Variants in RAB4A observed in about 807,000 individuals in gnomAD.
RAB4A encodes the protein ras-related protein Rab-4A.
A neutral mutation model predicts 34.5 loss-of-function variants in RAB4A; 20 were observed. The ratio of observed to expected loss-of-function variants is 0.58; its 90% CI spans 0.41 to 0.84. The LOEUF (loss-of-function observed/expected upper bound fraction) is 0.84, where lower values mean the gene tolerates loss of function less well. RAB4A is among the 40% of genes least tolerant of loss of function. RAB4A has a pLI of 0.00. For missense variants in RAB4A, 228 were observed against 274.5 expected, an observed-to-expected ratio of 0.83 and a Z score of 1.20; for synonymous variants, 102 against 100.0, an observed-to-expected ratio of 1.02 and a Z score of -0.12.
chr1:229,285,148 G>A lies in RAB4A; in HGVS notation c.32-1338G>A, dbSNP rs146617481. 3.1e-3 allele frequency among the ~76,000 whole-genome samples: 476 copies of A among 152,220 alleles called. 4 individuals carry two copies. Among genetic ancestry groups the A allele is most frequent in the Admixed American group, 8.2e-3 (125 of 15,288 alleles). ...GTGTCGCAAGTGGCTGGGACTACAG[G>A]TGTGTGCCACCATACCCGGCTAAGT... is the stretch of plus-strand genomic sequence containing the variant. On this transcript the variant is annotated intron_variant, in intron 1 of 7. Coordinates refer to ENST00000366690, the MANE Select transcript of RAB4A (RefSeq NM_004578.4).
chr1:229,292,409 T>C (rs1052387763), intron 3 of RAB4A, among the ~76,000 whole-genome samples: 1 of 152,166 alleles, frequency 6.6e-6, no homozygotes, highest in African/African-American at 2.4e-5. Context: ...GAACTCGTAG[T>C]TCCCTCTTCC....
At chr1:229,302,816 A>T in intron 6 of RAB4A, 46 bp from the exon 7 acceptor site, 1 of 1,356,110 alleles carries the variant, frequency 7.4e-7, no homozygotes, top group Non-Finnish European at 1.0e-6. Flanking sequence ...TTGGAATCAA[A>T]GAAACATAAA....
chr1:229,289,683 G>A (rs993398257), intron 3 of RAB4A, among the ~76,000 whole-genome samples: 1 of 152,190 alleles, frequency 6.6e-6, no homozygotes, highest in Non-Finnish European at 1.5e-5. Context: ...GGGCGTGGTG[G>A]CAGGTGCCTG....
intron 1 of RAB4A, among the ~76,000 whole-genome samples, chr1:229,283,918 T>C (rs779386137): frequency 8.6e-5 from 13 of 150,546 alleles, no homozygotes; most frequent in Non-Finnish European, 1.8e-4. Context: ...TTATTTTTAA[T>C]AGAGACATGG....
At chr1:229,294,800 A>G (rs1314567966) in intron 3 of RAB4A, among the ~76,000 whole-genome samples, 2 of 152,212 alleles carry the variant, frequency 1.3e-5, no homozygotes, top group Non-Finnish European at 2.9e-5. Flanking sequence ...ATTGCACTCT[A>G]GCCTGGGTAA....
Position 229,286,506 on chromosome 1 carries a change from G to A in RAB4A, c.52G>A (p.Val18Ile). The A allele has an allele frequency of 6.3e-7, 1 of 1,577,020 alleles. No individual in the cohort carries two copies. Among genetic ancestry groups the A allele is most frequent in the East Asian group, 2.3e-5 (1 of 43,418 alleles). The part of the protein sequence containing the change: ...ETYDFLFKFL[V>I]IGNAGTGKSC... ...TTCAGATTTTTTGTTTAAGTTCTTG[G>A]TTATTGGAAATGCAGGAACTGGCAA... Residue 18 changes from valine (V) to isoleucine (I), a missense_variant, in exon 2 of 8, where the codon GTT becomes ATT. Val to Ile is a conservative substitution (Grantham distance 29, BLOSUM62 3). Transcript: ENST00000366690.
chr1:229,282,098 G>C (rs1478359572), intron 1 of RAB4A, among the ~76,000 whole-genome samples: 1 of 151,796 alleles, frequency 6.6e-6, no homozygotes, highest in African/African-American at 2.4e-5. Flanking sequence ...AATTCCTATA[G>C]CTATTCTTTT....
At chr1:229,282,998 G>T (rs986084943) in intron 1 of RAB4A, among the ~76,000 whole-genome samples, 2 of 152,242 alleles carry the variant, frequency 1.3e-5, no homozygotes, top group Non-Finnish European at 2.9e-5. Flanking sequence ...GGTATGATGA[G>T]GAGTTTTCAA....
intron 6 of RAB4A, among the ~76,000 whole-genome samples, chr1:229,299,817 C>T (rs1223096615): frequency 6.6e-6 from 1 of 152,012 alleles, no homozygotes; most frequent in Non-Finnish European, 1.5e-5. Context: ...TATCACAAGG[C>T]TGATGTAGTA....
At chr1:229,272,858 G>A (rs1571818049) in intron 1 of RAB4A, among the ~76,000 whole-genome samples, 1 of 152,308 alleles carries the variant, frequency 6.6e-6, no homozygotes, top group East Asian at 1.9e-4. Flanking sequence ...GGTGACAAAG[G>A]GGCATGACAT....
At chr1:229,287,184 G>A (rs960966142) in intron 2 of RAB4A, among the ~76,000 whole-genome samples, 1 of 152,160 alleles carries the variant, frequency 6.6e-6, no homozygotes, top group African/African-American at 2.4e-5. Context: ...GTGGCAGGTG[G>A]GTGAAGGGTC....
intron 3 of RAB4A, among the ~76,000 whole-genome samples, chr1:229,293,764 TG>T (rs141477842): frequency 0.011 from 1,612 of 151,826 alleles, 28 homozygotes; most frequent in African/African-American, 0.037. Context: ...GTCCACTGGA[TG>T]GGGATGCTTG....
chr1:229,296,381 T>C (rs1330493384), intron 4 of RAB4A, among the ~76,000 whole-genome samples: 1 of 152,140 alleles, frequency 6.6e-6, no homozygotes, highest in African/African-American at 2.4e-5. Context: ...AAGATGGAGA[T>C]AGTAATAATC....
At chr1:229,276,984 C>CTATATATAATATAGA (rs895399939) in intron 1 of RAB4A, among the ~76,000 whole-genome samples, 1 of 144,410 alleles carries the variant, frequency 6.9e-6, no homozygotes, top group South Asian at 2.1e-4. Flanking sequence ...AACTATATAT[C>CTATATATAATATAGA]TATATATAAT....
At chr1:229,289,400 G>T (rs189702257) in intron 3 of RAB4A, among the ~76,000 whole-genome samples, 2 of 152,314 alleles carry the variant, frequency 1.3e-5, no homozygotes, top group East Asian at 1.9e-4. Context: ...TATTTTAGTT[G>T]TGGTTTTTGC....
At chr1:229,294,023 G>T (rs1657168218) in intron 3 of RAB4A, among the ~76,000 whole-genome samples, 1 of 152,200 alleles carries the variant, frequency 6.6e-6, no homozygotes, top group African/African-American at 2.4e-5. Context: ...GTGTAGTGTA[G>T]GAGACTGCAC....
intron 5 of RAB4A, among the ~76,000 whole-genome samples, 191 bp downstream of exon 5, chr1:229,297,827 A>G (rs1490063499): frequency 6.6e-6 from 1 of 152,242 alleles, no homozygotes; most frequent in African/African-American, 2.4e-5. Context: ...CTGCCTGCAG[A>G]AGTTACTATA....
chr1:229,271,230 GC>G lies in RAB4A; in HGVS notation c.-106del, dbSNP rs930982298. 2 of 1,126,100 alleles carry G rather than the reference GC, an allele frequency of 1.8e-6. No individual in the cohort carries two copies. Among genetic ancestry groups the G allele is most frequent in the Non-Finnish European group, 2.3e-6 (2 of 886,226 alleles). The allele number at this position is 1,126,100 out of a possible 1,614,324, so 69.8% of individuals were successfully genotyped here. A position where few individuals can be genotyped will look rare whatever the true frequency, so the allele number is the denominator to read the frequency against. Reference sequence around the variant, plus strand: ...GGCGGTTGCCGTGGGGACCGGTCGGGCCCCTCCCTCCTCCGGTCCCCCGCCC... The same window carrying G: ...GGCGGTTGCCGTGGGGACCGGTCGGGCCCTCCCTCCTCCGGTCCCCCGCCC... On this transcript the variant is annotated 5_prime_UTR_variant, in exon 1 of 8. Transcript: ENST00000366690.
At position 229,305,539 on chromosome 1, in the gene RAB4A, G is replaced by A. The variant is rs1005129342; in HGVS notation, c.*1746G>A. 8.9e-6 allele frequency: 3 copies of A among 336,650 alleles called. No individual in the cohort carries two copies. The highest frequency in any genetic ancestry group is 1.6e-5 in the Non-Finnish European group (3 of 182,152). The allele number at this position is 336,650 out of a possible 1,614,324, so 20.9% of individuals were successfully genotyped here. On this transcript the variant is annotated 3_prime_UTR_variant, in exon 8 of 8. Coordinates refer to ENST00000366690, the MANE Select transcript of RAB4A (RefSeq NM_004578.4). ...TTCTTAATCAGGCTTTGCCTTTAGGGAGAATGAGGAGGAGAGATAATTGGG... is the reference window on the plus strand; with the variant it reads ...TTCTTAATCAGGCTTTGCCTTTAGGAAGAATGAGGAGGAGAGATAATTGGG...
Sources: gnomAD v4.1 joint callset for allele counts (sites outside exome capture counted in the v4.1 genomes callset) on GRCh38, gnomAD v4.1.1 for gene constraint, MANE v1.5 for transcripts, NCBI Gene and HGNC (gene_info 2026-07-23, HGNC 2026-07-21) for gene names.